Variants in FRMD3 observed in about 807,000 individuals in gnomAD.
FRMD3 encodes the protein FERM domain-containing protein 3.
Under a neutral mutation model 70.2 loss-of-function variants are expected in FRMD3, and 33 were observed. The observed-to-expected ratio is 0.47, with a 90% CI of 0.36 to 0.63. The LOEUF is 0.63. FRMD3 is among the 20% of genes least tolerant of loss of function. The pLI, the probability that FRMD3 is intolerant of heterozygous loss-of-function variation, is 0.00. For missense variants in FRMD3, 632 were observed against 711.4 expected, an observed-to-expected ratio of 0.89 and a Z score of 1.27; for synonymous variants, 279 against 255.9, an observed-to-expected ratio of 1.09 and a Z score of -0.86.
rs35801668 is a variant in FRMD3, at chr9:83,311,287, GAA to G, written c.773+598_773+599del. On this transcript the variant is annotated intron_variant, in intron 8 of 13. Transcript: ENST00000304195. ...AATGCGCCTGACTGAGAATGGCAGA[GAA>G]AAAAAAAAAAAAAAACAGAGACCTA... Among the ~76,000 whole-genome samples, 321 of 121,548 alleles carry G rather than the reference GAA, an allele frequency of 2.6e-3. 1 individual carries two copies. In the East Asian group the frequency reaches 0.029, roughly 11 times the overall value. 79.7% of individuals were successfully genotyped at this position (121,548 alleles called of 152,430 possible).
At chr9:83,435,395 G>A (rs1367311658) in intron 1 of FRMD3, among the ~76,000 whole-genome samples, 1 of 151,966 alleles carries the variant, frequency 6.6e-6, no homozygotes, top group Non-Finnish European at 1.5e-5. Flanking sequence ...GAGCTCTAAA[G>A]CCACCACAAA....
At chr9:83,452,473 G>GT (rs55688520) in intron 1 of FRMD3, among the ~76,000 whole-genome samples, 80,067 of 151,728 alleles carry the variant, frequency 0.53, 21,421 homozygotes, top group East Asian at 0.67. Flanking sequence ...TGCTTGAGTT[G>GT]TTTTTTTTGT....
At chr9:83,421,133 G>A (rs1365770544) in intron 1 of FRMD3, among the ~76,000 whole-genome samples, 1 of 151,056 alleles carries the variant, frequency 6.6e-6, no homozygotes, top group South Asian at 2.1e-4. Flanking sequence ...GTAGAGGCGG[G>A]GTTTCACTGT....
intron 2 of FRMD3, among the ~76,000 whole-genome samples, chr9:83,388,407 G>A (rs921197153): frequency 6.6e-6 from 1 of 152,088 alleles, no homozygotes; most frequent in Non-Finnish European, 1.5e-5. Flanking sequence ...GCTACCTCCA[G>A]GTGACCCCTT....
At chr9:83,331,478 TAC>T (rs1836263883) in intron 6 of FRMD3, among the ~76,000 whole-genome samples, 4 of 152,176 alleles carry the variant, frequency 2.6e-5, no homozygotes, top group South Asian at 4.1e-4. Context: ...ACAGGGAAAC[TAC>T]TCTGTATGAT....
At chr9:83,494,672 G>A (rs970555646) in intron 1 of FRMD3, among the ~76,000 whole-genome samples, 2 of 152,240 alleles carry the variant, frequency 1.3e-5, no homozygotes, top group African/African-American at 4.8e-5. Flanking sequence ...GGAACCCAAG[G>A]TGGGGAGGAT....
the FRMD3 span, among the ~76,000 whole-genome samples, chr9:83,579,648 A>G: frequency 6.6e-6 from 1 of 152,130 alleles, no homozygotes; most frequent in Non-Finnish European, 1.5e-5. Context: ...TGAATTAAAG[A>G]CTTAAACATA....
intron 6 of FRMD3, among the ~76,000 whole-genome samples, chr9:83,314,247 A>G (rs1465818436): frequency 6.6e-6 from 1 of 152,186 alleles, no homozygotes; most frequent in African/African-American, 2.4e-5. Flanking sequence ...GGAAATCTCA[A>G]CCACTAGTCC....
Position 83,479,702 on chromosome 9 carries a change from AAG to A in FRMD3, c.147+58381_147+58382del, listed in dbSNP as rs59605393. Among the ~76,000 whole-genome samples, 710 of 73,946 alleles carry A rather than the reference AAG, an allele frequency of 9.6e-3. 8 individuals carry two copies. Among genetic ancestry groups the A allele is most frequent in the Non-Finnish European group, 0.013 (504 of 38,700 alleles). The allele number at this position is 73,946 out of a possible 152,430, so 48.5% of individuals were successfully genotyped here. ...AAAGAAAGAAAGAAAGAAAGAAAGAAAGAAAGAAAGAAAGAAAGAAAAGAAAG... is the reference window on the plus strand; with the variant it reads ...AAAGAAAGAAAGAAAGAAAGAAAGAAAAAGAAAGAAAGAAAGAAAAGAAAG... On this transcript the variant is annotated intron_variant, in intron 1 of 13. Transcript: ENST00000304195.
chr9:83,537,955 G>A lies in FRMD3; in HGVS notation c.147+130C>T. On this transcript the variant is annotated intron_variant, in intron 1 of 13. Transcript: ENST00000304195. The surrounding 1 kb of genome is among the most constrained non-coding windows in gnomAD (Gnocchi z 4.1). ...CCCACCCTCAGAGGCCTGAGGAATC[G>A]AAATCTGGCTTTCTAGCAGTCCCCC... 9.4e-7 allele frequency: 1 copy of A among 1,067,596 alleles called. No individual in the cohort carries two copies. The highest frequency in any genetic ancestry group is 1.3e-6 in the Non-Finnish European group (1 of 749,154). 66.1% of individuals were successfully genotyped at this position (1,067,596 alleles called of 1,614,324 possible).
intron 13 of FRMD3, among the ~76,000 whole-genome samples, chr9:83,278,642 A>G (rs1833868851): frequency 6.6e-6 from 1 of 152,196 alleles, no homozygotes; most frequent in African/African-American, 2.4e-5. Flanking sequence ...ACATGGCCCC[A>G]GGGGACATAA....
At chr9:83,536,163 T>A (rs1350266459) in intron 1 of FRMD3, among the ~76,000 whole-genome samples, 2 of 152,202 alleles carry the variant, frequency 1.3e-5, no homozygotes, top group East Asian at 3.9e-4. Flanking sequence ...TTTTTAAAAA[T>A]CAGTGCCCAA....
chr9:83,276,743 C>T (rs1833805717), intron 13 of FRMD3, among the ~76,000 whole-genome samples: 2 of 152,214 alleles, frequency 1.3e-5, no homozygotes, highest in Admixed American at 1.3e-4. Flanking sequence ...GAGTTTCACT[C>T]TTGTTGCCCA....
intron 6 of FRMD3, among the ~76,000 whole-genome samples, chr9:83,324,000 G>C (rs904923712): frequency 4.6e-5 from 7 of 152,192 alleles, no homozygotes; most frequent in African/African-American, 1.7e-4. Flanking sequence ...AGAAGCCATA[G>C]TAACTCTGTC....
At position 83,384,307 on chromosome 9, in the gene FRMD3, A is replaced by T. The variant is rs543577915; in HGVS notation, c.252+5297T>A. On this transcript the variant is annotated intron_variant, in intron 2 of 13. Coordinates refer to ENST00000304195, the MANE Select transcript of FRMD3 (RefSeq NM_174938.6). ...TTAGGTACCACTCTTGCTCCTAGTG[A>T]TGAGCAGCTGTGAAGTAATTATCCC... Among the ~76,000 whole-genome samples, 3 of 152,274 alleles carry T rather than the reference A, an allele frequency of 2.0e-5. No homozygotes were observed. The South Asian group carries it at 6.2e-4, about 32-fold the overall frequency.
chr9:83,249,364 C>T (rs1832294370), intron 13 of FRMD3, among the ~76,000 whole-genome samples: 1 of 152,100 alleles, frequency 6.6e-6, no homozygotes, highest in Non-Finnish European at 1.5e-5. Context: ...ATCGAGTTAC[C>T]TATGGTCAGA....
At chr9:83,500,581 G>A (rs1237762711) in intron 1 of FRMD3, among the ~76,000 whole-genome samples, 1 of 150,656 alleles carries the variant, frequency 6.6e-6, no homozygotes, top group Admixed American at 6.6e-5. Flanking sequence ...AGAACCATCA[G>A]TCTATAGGAT....
chr9:83,522,074 C>T (rs115649536), intron 1 of FRMD3, among the ~76,000 whole-genome samples: 1,876 of 152,200 alleles, frequency 0.012, 45 homozygotes, highest in African/African-American at 0.042. Flanking sequence ...GGGTGTGGGA[C>T]GTCTCTTGAA....
Position 83,247,669 on chromosome 9 carries a change from A to G in FRMD3, c.*249T>C. 2.5e-6 allele frequency: 3 copies of G among 1,216,874 alleles called. No individual in the cohort carries two copies. The highest frequency in any genetic ancestry group is 4.0e-5 in the South Asian group (2 of 49,448). The allele number at this position is 1,216,874 out of a possible 1,614,324, so 75.4% of individuals were successfully genotyped here. ...AATAGATGAAGGGTATGTCTACACT[A>G]TAATAAAAAATAAACATATTTTTGG... On this transcript the variant is annotated 3_prime_UTR_variant, in exon 14 of 14. Coordinates refer to ENST00000304195, the MANE Select transcript of FRMD3 (RefSeq NM_174938.6).
Sources: gnomAD v4.1 joint callset for allele counts (sites outside exome capture counted in the v4.1 genomes callset) on GRCh38, gnomAD v4.1.1 for gene constraint, Gnocchi (gnomAD v3.1) non-coding constraint, MANE v1.5 for transcripts, NCBI Gene and HGNC (gene_info 2026-07-23, HGNC 2026-07-21) for gene names.